Variants in FYB2 observed in about 807,000 individuals in gnomAD.
FYB2 encodes the protein FYN binding protein 2.
FYB2 carries 103 observed loss-of-function variants against 94.1 expected under a neutral mutation model. The ratio of observed to expected loss-of-function variants is 1.09; its 90% CI spans 0.93 to 1.29. The LOEUF is 1.29. Among genes scored for constraint, FYB2 ranks in the 50% most tolerant of loss-of-function variants. FYB2 has a pLI of 0.00. For synonymous variants in FYB2, 293 were observed against 287.9 expected (o/e 1.02, Z -0.18); for missense variants, 896 against 841.5 (o/e 1.06, Z -0.80).
At chr1:56,738,475 A>T in intron 14 of FYB2, 150 bp downstream of exon 14, 1 of 788,378 alleles carries the variant, frequency 1.3e-6, no homozygotes, top group South Asian at 2.3e-5. Flanking sequence ...AAGTAAAAAA[A>T]TACTTCCGTG....
At chr1:56,803,035 C>T (rs370700842) in intron 1 of FYB2, among the ~76,000 whole-genome samples, 1 of 152,142 alleles carries the variant, frequency 6.6e-6, no homozygotes. Context: ...TGAAACATTG[C>T]TTGGATTCTC....
intron 17 of FYB2, 82 bp downstream of exon 17, chr1:56,723,506 C>G (rs1644526623): frequency 1.4e-6 from 1 of 735,220 alleles, no homozygotes; most frequent in Non-Finnish European, 2.2e-6. Flanking sequence ...GGCAGAGGCA[C>G]AGCATACTTA....
rs1165633587 is a variant in FYB2 at position 56,792,241 on chromosome 1, G to A, written c.572C>T (p.Ala191Val). ...GTGCTTCTGGGAAGGAAGAGTCTGG[G>A]CTCCTTTTGTTTCCAGCTTTTTCCT... Reference protein sequence around the residue: ...EPRKKLETKGAQTLPSQKHVV... With the variant: ...EPRKKLETKGVQTLPSQKHVV... The change falls in exon 2 of 20, where the codon GCC (alanine) becomes GTC (valine). Residue 191 changes from alanine (A) to valine (V), a missense_variant. Coordinates refer to ENST00000343433, the MANE Select transcript of FYB2 (RefSeq NM_001004303.5). 1.9e-5 allele frequency: 31 copies of A among 1,612,502 alleles called. No homozygotes were observed. The highest frequency in any genetic ancestry group is 2.4e-5 in the Non-Finnish European group (28 of 1,179,660).
intron 1 of FYB2, among the ~76,000 whole-genome samples, chr1:56,815,739 A>G (rs1304065352): frequency 6.6e-6 from 1 of 152,176 alleles, no homozygotes. Flanking sequence ...TGTGCAAATC[A>G]CTTATAAGAG....
intron 9 of FYB2, among the ~76,000 whole-genome samples, chr1:56,744,891 G>T (rs1329640116): frequency 6.6e-6 from 1 of 151,902 alleles, no homozygotes; most frequent in Non-Finnish European, 1.5e-5. Context: ...AATATTTAGG[G>T]TATGGGTAAT....
At chr1:56,744,513 T>C (rs1055816950) in intron 9 of FYB2, among the ~76,000 whole-genome samples, 2 of 151,994 alleles carry the variant, frequency 1.3e-5, no homozygotes, top group African/African-American at 2.4e-5. Flanking sequence ...AAGGATTAAA[T>C]ACATATTTAT....
intron 4 of FYB2, among the ~76,000 whole-genome samples, chr1:56,783,698 G>A (rs1024652557): frequency 5.9e-5 from 9 of 152,086 alleles, no homozygotes; most frequent in African/African-American, 9.7e-5. Flanking sequence ...AAACAAAGAA[G>A]CGTGTGTGTG....
intron 14 of FYB2, 114 bp downstream of exon 14, chr1:56,738,511 G>T: frequency 9.1e-7 from 1 of 1,098,446 alleles, no homozygotes; most frequent in South Asian, 1.8e-5. Flanking sequence ...GATTTTGGTA[G>T]AGCAATTTTT....
chr1:56,792,570 C>A lies in FYB2; in HGVS notation c.243G>T (p.Leu81Phe). 1 of 1,614,066 alleles carries A rather than the reference C, an allele frequency of 6.2e-7. No homozygotes were observed. The highest frequency in any genetic ancestry group is 1.1e-5 in the South Asian group (1 of 91,078). Residue 81 changes from leucine (L) to phenylalanine (F), a missense_variant, in exon 2 of 20, where the codon TTG (leucine) becomes TTT (phenylalanine). Physicochemically the swap from Leu to Phe is conservative, Grantham distance 22 (BLOSUM62 0). Coordinates refer to ENST00000343433, the MANE Select transcript of FYB2 (RefSeq NM_001004303.5). Reference protein sequence around the residue: ...SQPLQPQKIKLAQKSEIPKCS... With the variant: ...SQPLQPQKIKFAQKSEIPKCS... ...ATTTTGGAATTTCACTCTTCTGAGC[C>A]AACTTTATTTTCTGAGGTTGAAGAG...
At chr1:56,757,415 A>G (rs1570021029) in intron 6 of FYB2, among the ~76,000 whole-genome samples, 2 of 152,188 alleles carry the variant, frequency 1.3e-5, no homozygotes, top group African/African-American at 4.8e-5. Context: ...AAAGAGTAGA[A>G]CCTTAACTGA....
chr1:56,812,184 A>G (rs1173816091), intron 1 of FYB2, among the ~76,000 whole-genome samples: 5 of 152,238 alleles, frequency 3.3e-5, no homozygotes, highest in African/African-American at 9.6e-5. Context: ...AGTTATTATT[A>G]GACACACTTA....
intron 4 of FYB2, among the ~76,000 whole-genome samples, chr1:56,773,645 G>A (rs760113822): frequency 3.3e-5 from 5 of 152,130 alleles, no homozygotes; most frequent in Admixed American, 6.6e-5. Context: ...GACTCAAAAA[G>A]TTTCATTGGA....
intron 9 of FYB2, among the ~76,000 whole-genome samples, chr1:56,750,065 C>T (rs1645159391): frequency 6.6e-6 from 1 of 151,838 alleles, no homozygotes; most frequent in Non-Finnish European, 1.5e-5. Flanking sequence ...GATACTTAGC[C>T]AGGTTACAGA....
At chr1:56,794,288 C>T (rs1279495743) in intron 1 of FYB2, among the ~76,000 whole-genome samples, 1 of 152,192 alleles carries the variant, frequency 6.6e-6, no homozygotes, top group Non-Finnish European at 1.5e-5. Context: ...CTGCTCCATG[C>T]TCTTCCTGCT....
intron 1 of FYB2, among the ~76,000 whole-genome samples, chr1:56,813,440 G>A (rs970320568): frequency 5.9e-5 from 9 of 152,088 alleles, no homozygotes; most frequent in Middle Eastern, 3.2e-3. Context: ...TCACTATCAC[G>A]AGAACATCAC....
intron 9 of FYB2, among the ~76,000 whole-genome samples, chr1:56,745,025 T>A (rs1005548576): frequency 2.0e-5 from 3 of 152,052 alleles, no homozygotes; most frequent in African/African-American, 7.2e-5. Context: ...GATTTTATCC[T>A]CTGACAAGAA....
At chr1:56,754,897 TTA>T (rs1302615296) in intron 7 of FYB2, among the ~76,000 whole-genome samples, 1 of 152,102 alleles carries the variant, frequency 6.6e-6, no homozygotes, top group Non-Finnish European at 1.5e-5. Flanking sequence ...CAGCACTGTG[TTA>T]GTGCTACAAG....
intron 4 of FYB2, among the ~76,000 whole-genome samples, chr1:56,780,650 G>A (rs1645987320): frequency 2.0e-5 from 3 of 152,196 alleles, no homozygotes; most frequent in Admixed American, 6.5e-5. Context: ...GTTGTAAAAT[G>A]AGAGAGAGGA....
At chr1:56,741,591 C>T (rs138353936) in intron 12 of FYB2, among the ~76,000 whole-genome samples, 632 of 152,044 alleles carry the variant, frequency 4.2e-3, no homozygotes, top group Non-Finnish European at 7.1e-3. Flanking sequence ...TCCCCTTGAA[C>T]CCTTAAACTC....
Sources: gnomAD v4.1 joint callset for allele counts (sites outside exome capture counted in the v4.1 genomes callset) on GRCh38, gnomAD v4.1.1 for gene constraint, MANE v1.5 for transcripts, NCBI Gene and HGNC (gene_info 2026-07-23, HGNC 2026-07-21) for gene names.